The following CNTNAP3B variants were observed in gnomAD, a reference collection of about 807,000 sequenced individuals.
CNTNAP3B encodes the protein contactin-associated protein-like 3B.
Under a neutral mutation model 108.9 loss-of-function variants are expected in CNTNAP3B, and 25 were observed. The ratio of observed to expected loss-of-function variants is 0.23; its 90% CI spans 0.17 to 0.32. The LOEUF (loss-of-function observed/expected upper bound fraction) is 0.32. CNTNAP3B is among the 10% of genes least tolerant of loss of function. The pLI, the probability that CNTNAP3B is intolerant of heterozygous loss-of-function variation, is 1.00. For synonymous variants in CNTNAP3B, 103 were observed against 473.4 expected (o/e 0.22, Z 10.16); for missense variants, 252 against 1,210.4 (o/e 0.21, Z 11.75).
chr9:42,004,848 A>G (rs1564172830), intron 4 of CNTNAP3B, among the ~76,000 whole-genome samples: 1 of 108,674 alleles, frequency 9.2e-6, no homozygotes, highest in Non-Finnish European at 2.0e-5. Flanking sequence ...ATGAATACAC[A>G]AAGCTTTCCT....
intron 9 of CNTNAP3B, among the ~76,000 whole-genome samples, chr9:41,977,526 G>T (rs1364941811): frequency 7.1e-6 from 1 of 141,800 alleles, no homozygotes; most frequent in African/African-American, 2.8e-5. Flanking sequence ...TTTCACAGTT[G>T]CTCTTGGAAA....
intron 14 of CNTNAP3B, among the ~76,000 whole-genome samples, chr9:41,935,440 C>T (rs1824128496): frequency 6.6e-6 from 1 of 152,274 alleles, no homozygotes; most frequent in African/African-American, 2.4e-5. Flanking sequence ...CTAAGCACAC[C>T]TCAGTAATAG....
chr9:41,924,645 G>GCGCGCGCGCACACACACA (rs1474850625), intron 15 of CNTNAP3B, among the ~76,000 whole-genome samples: 1 of 135,062 alleles, frequency 7.4e-6, no homozygotes, highest in Non-Finnish European at 1.6e-5. Flanking sequence ...TTTCCTTCCT[G>GCGCGCGCGCACACACACA]CACACACACA....
rs1464643251 is a variant in CNTNAP3B at position 42,053,293 on chromosome 9, G to A, written c.390+23576C>T. On this transcript the variant is annotated intron_variant, in intron 3 of 23. Coordinates refer to ENST00000377561, the MANE Select transcript of CNTNAP3B (RefSeq NM_001201380.3). The stretch of plus-strand genomic sequence containing the variant: ...ATAGTAGGAATTCACAATCTGAAAT[G>A]AGCAATAATATTCTGAATGTAAAGA... 1.8e-5 allele frequency among the ~76,000 whole-genome samples: 2 copies of A among 109,000 alleles called. 1 individual carries two copies. Among genetic ancestry groups the A allele is most frequent in the Non-Finnish European group, 3.9e-5 (2 of 51,816 alleles). The allele number at this position is 109,000 out of a possible 152,430, so 71.5% of individuals were successfully genotyped here.
intron 13 of CNTNAP3B, among the ~76,000 whole-genome samples, chr9:41,947,411 A>C (rs1394617272): frequency 6.6e-6 from 1 of 152,248 alleles, no homozygotes; most frequent in African/African-American, 2.4e-5. Context: ...TACACTTCTA[A>C]ATAAGCTACA....
chr9:42,050,187 A>G (rs1826949310), intron 3 of CNTNAP3B, among the ~76,000 whole-genome samples: 1 of 26,806 alleles, frequency 3.7e-5, no homozygotes, highest in South Asian at 1.0e-3. Flanking sequence ...CATCAAGTAG[A>G]TAAGAAACAG....
intron 18 of CNTNAP3B, among the ~76,000 whole-genome samples, chr9:41,918,079 T>C (rs1823567677): frequency 6.6e-6 from 1 of 152,166 alleles, no homozygotes; most frequent in African/African-American, 2.4e-5. Context: ...GCCTGTTTCG[T>C]ATGAGAGAGG....
chr9:42,066,519 C>T (rs1291772737), intron 3 of CNTNAP3B, among the ~76,000 whole-genome samples: 3 of 117,854 alleles, frequency 2.5e-5, no homozygotes, highest in East Asian at 2.9e-4. Flanking sequence ...CTCTGCCTCC[C>T]GGGTTCAAGT....
chr9:41,936,158 T>C (rs1824150295), intron 14 of CNTNAP3B, among the ~76,000 whole-genome samples: 1 of 152,304 alleles, frequency 6.6e-6, no homozygotes. Flanking sequence ...TCGGCTGTAA[T>C]CCCAGTTACT....
At chr9:41,935,701 C>T (rs1053951283) in intron 14 of CNTNAP3B, among the ~76,000 whole-genome samples, 16 of 152,222 alleles carry the variant, frequency 1.1e-4, no homozygotes, top group Non-Finnish European at 1.5e-4. Flanking sequence ...GTTGGATAGA[C>T]CTGTCTACTG....
chr9:41,991,422 CATAT>C (rs1825804180), intron 8 of CNTNAP3B, among the ~76,000 whole-genome samples, 184 bp downstream of exon 8: 1 of 95,986 alleles, frequency 1.0e-5, no homozygotes, highest in African/African-American at 4.1e-5. Context: ...TCATATTTCT[CATAT>C]ATAGTCATTT....
chr9:41,943,368 T>C (rs1303580862), intron 13 of CNTNAP3B, among the ~76,000 whole-genome samples: 63 of 135,482 alleles, frequency 4.7e-4, no homozygotes, highest in African/African-American at 1.8e-3. Context: ...TTTTTTTTTT[T>C]TTGAGATGGA....
rs1200989065 is a variant in CNTNAP3B, at chr9:42,113,050, C to T, written c.86-8311G>A. ...GATTACAGGCGTGAGCCACCATGCC[C>T]GGTCAAGTTTACATAAATTTAAGCA... On this transcript the variant is annotated intron_variant, in intron 1 of 23. Coordinates refer to ENST00000377561, the MANE Select transcript of CNTNAP3B (RefSeq NM_001201380.3). 5.2e-5 allele frequency among the ~76,000 whole-genome samples: 7 copies of T among 133,746 alleles called. 1 individual carries two copies. The highest frequency in any genetic ancestry group is 1.5e-4 in the Admixed American group (2 of 13,308). 87.7% of individuals were successfully genotyped at this position (133,746 alleles called of 152,430 possible). A position where few individuals can be genotyped will look rare whatever the true frequency, so the allele number is the denominator to read the frequency against.
chr9:41,931,744 A>AT (rs1242244014), intron 14 of CNTNAP3B, among the ~76,000 whole-genome samples: 2 of 149,226 alleles, frequency 1.3e-5, no homozygotes, highest in East Asian at 3.9e-4. Flanking sequence ...GGTCTAGGAA[A>AT]TTTTTTATTA....
At chr9:41,953,573 T>C (rs548777023) in intron 12 of CNTNAP3B, among the ~76,000 whole-genome samples, 187 bp from the exon 13 acceptor site, 3 of 151,238 alleles carry the variant, frequency 2.0e-5, no homozygotes, top group Admixed American at 1.3e-4. Context: ...AGAGAAAGCA[T>C]ATTGGAAGAA....
At chr9:42,016,669 T>C (rs1006613187) in intron 3 of CNTNAP3B, among the ~76,000 whole-genome samples, 2 of 151,952 alleles carry the variant, frequency 1.3e-5, no homozygotes, top group African/African-American at 4.9e-5. Context: ...ATTTTAGACA[T>C]AAACAGCAAA....
intron 13 of CNTNAP3B, among the ~76,000 whole-genome samples, chr9:41,952,458 T>A (rs1161062282): frequency 2.6e-5 from 4 of 152,214 alleles, no homozygotes. Flanking sequence ...TAATTAGCAA[T>A]AAAGTGCTTT....
Position 42,123,522 on chromosome 9 carries a change from T to C in CNTNAP3B, c.85+5488A>G, listed in dbSNP as rs915275629. On this transcript the variant is annotated intron_variant, in intron 1 of 23. Coordinates refer to ENST00000377561, the MANE Select transcript of CNTNAP3B (RefSeq NM_001201380.3). The stretch of plus-strand genomic sequence containing the variant: ...CCAAAGGAATCCTTCCATTTTGGTC[T>C]AGTGTTCCATAAACATTGACTTTAC... 8.6e-4 allele frequency among the ~76,000 whole-genome samples: 107 copies of C among 124,916 alleles called. 11 individuals carry two copies. Among genetic ancestry groups the C allele is most frequent in the Middle Eastern group, 7.8e-3 (2 of 256 alleles). 81.9% of individuals were successfully genotyped at this position (124,916 alleles called of 152,430 possible). A position where few individuals can be genotyped will look rare whatever the true frequency, so the allele number is the denominator to read the frequency against.
chr9:41,968,945 C>T (rs1360991471), intron 10 of CNTNAP3B, among the ~76,000 whole-genome samples: 7 of 152,188 alleles, frequency 4.6e-5, no homozygotes, highest in East Asian at 1.9e-4. Context: ...TACAGGCGCC[C>T]GCCACCATGC....
Sources: allele counts gnomAD v4.1 joint callset (sites outside exome capture counted in the v4.1 genomes callset), GRCh38; gene constraint gnomAD v4.1.1; transcripts MANE v1.5; gene names NCBI Gene and HGNC (gene_info 2026-07-23, HGNC 2026-07-21).